The following POM121 variants were observed in gnomAD, a reference collection of about 807,000 sequenced individuals.
The protein encoded by POM121 is nuclear envelope pore membrane protein POM 121.
POM121 carries 32 observed loss-of-function variants against 81.3 expected under a neutral mutation model. The ratio of observed to expected loss-of-function variants is 0.39; its 90% CI spans 0.30 to 0.53. POM121 has a LOEUF of 0.53. Ranked by LOEUF, POM121 falls within the 20% of genes least tolerant of loss-of-function variation. The pLI is 0.66. For synonymous variants in POM121, 514 were observed against 694.2 expected, an observed-to-expected ratio of 0.74 and a Z score of 4.08; for missense variants, 1,138 against 1,614.6, an observed-to-expected ratio of 0.70 and a Z score of 5.06.
At position 72,940,013 on chromosome 7, in the gene POM121, C is replaced by T. The variant is rs879983129; in HGVS notation, c.1563+45C>T. ...CTCCTGCCCTCCCCGGCTTAGCTCT[C>T]CTAAGTATTAGGAACGCTAAGGACA... On this transcript the variant is annotated intron_variant, in intron 8 of 12. Coordinates refer to ENST00000434423, the MANE Select transcript of POM121 (RefSeq NM_001387691.1). The T allele has an allele frequency of 4.4e-6, 7 of 1,597,496 alleles. No homozygotes were observed. In the South Asian group the frequency reaches 6.7e-5, roughly 15 times the overall value.
chr7:72,925,238 G>A lies in POM121; in HGVS notation c.117G>A (p.Leu39=). Residue 39 remains leucine, a synonymous_variant, in exon 1 of 13, where the codon CTG becomes CTA. Coordinates refer to ENST00000434423, the MANE Select transcript of POM121 (RefSeq NM_001387691.1). Reference sequence around the variant, plus strand: ...CGGCCAGGGCGGTGCTCCTGGGCCTGTCGCTGGTTGGCCTCTTACTGTACC... The same window carrying A: ...CGGCCAGGGCGGTGCTCCTGGGCCTATCGCTGGTTGGCCTCTTACTGTACC... ...GGPARAVLLG[L]SLVGLLLYLV... is the part of the protein sequence containing the mutation. 4.6e-6 allele frequency: 7 copies of A among 1,533,854 alleles called. No individual in the cohort carries two copies. The highest frequency in any genetic ancestry group is 6.1e-6 in the Non-Finnish European group (7 of 1,146,162).
At chr7:72,913,267 C>T (rs781986716) in intron 3 of POM121, among the ~76,000 whole-genome samples, 73 of 152,324 alleles carry the variant, frequency 4.8e-4, no homozygotes, top group Non-Finnish European at 8.7e-4. Flanking sequence ...TGTGGACTTG[C>T]GGGGTCTCCC....
chr7:72,928,930 T>C (rs1795746552), intron 4 of POM121, among the ~76,000 whole-genome samples: 1 of 152,218 alleles, frequency 6.6e-6, no homozygotes, highest in Non-Finnish European at 1.5e-5. Context: ...AAAGCTAAAG[T>C]GCTCCTGGTC....
chr7:72,886,656 T>G (rs1486781733), intron 1 of POM121, among the ~76,000 whole-genome samples: 2 of 152,138 alleles, frequency 1.3e-5, no homozygotes, highest in African/African-American at 4.8e-5. Context: ...AATGTCTTCA[T>G]TGTGTCTTTG....
chr7:72,906,192 G>T (rs1554493401), intron 3 of POM121, among the ~76,000 whole-genome samples: 1 of 152,208 alleles, frequency 6.6e-6, no homozygotes, highest in South Asian at 2.1e-4. Context: ...TGAGGCAGAG[G>T]AGGATTTTGT....
At chr7:72,925,790 T>C in intron 1 of POM121, 25 bp downstream of exon 1, 1 of 1,305,342 alleles carries the variant, frequency 7.7e-7, no homozygotes, top group Non-Finnish European at 9.7e-7. Context: ...TTTTGTCAGA[T>C]CATCCTCTGG....
chr7:72,923,407 C>T (rs2129577417), upstream of POM121, among the ~76,000 whole-genome samples: 1 of 152,148 alleles, frequency 6.6e-6, no homozygotes, highest in African/African-American at 2.4e-5. Flanking sequence ...CCCTGTCTAC[C>T]TTCCCCTTTA....
intron 3 of POM121, among the ~76,000 whole-genome samples, chr7:72,899,575 ATTTTTTTTTTTT>A (rs10709124): frequency 1.6e-5 from 2 of 121,460 alleles, no homozygotes; most frequent in South Asian, 5.2e-4. Flanking sequence ...TTGATATTAC[ATTTTTTTTTTTT>A]TTTTTTTTTG....
intron 5 of POM121, among the ~76,000 whole-genome samples, chr7:72,933,309 C>T (rs573337597): frequency 0.011 from 1,738 of 152,226 alleles, 17 homozygotes; most frequent in Non-Finnish European, 0.02. Flanking sequence ...GCCGAGCTCA[C>T]GCCACTGCCC....
chr7:72,923,725 A>G (rs1196003644), upstream of POM121, among the ~76,000 whole-genome samples: 4 of 130,506 alleles, frequency 3.1e-5, no homozygotes, highest in South Asian at 2.5e-4. Context: ...TCAGCCTCCC[A>G]AGTAGCTGGG....
At chr7:72,948,517 C>T (rs782760266), downstream of POM121, 10 of 1,613,228 alleles carry the variant, frequency 6.2e-6, 1 homozygote, top group African/African-American at 1.3e-4. Context: ...GCACCGGCTG[C>T]AGCTTTTTGC....
rs1795286273 is a variant in POM121 at position 72,925,341 on chromosome 7, C to G, written c.220C>G (p.Arg74Gly). Residue 74 changes from arginine to glycine, a missense_variant, in exon 1 of 13, where the codon CGA becomes GGA. By Grantham distance (125) the Arg-to-Gly change is moderately radical. Transcript: ENST00000434423. ...AAWWGLSREP[R>G]GSRPLSSFVR... ...CTGGTGGGGACTGAGCCGCGAGCCC[C>G]GAGGTTCGCGCCCCTTGTCCTCCTT... 1 of 1,534,324 alleles carries G rather than the reference C, an allele frequency of 6.5e-7. No individual in the cohort carries two copies. The highest frequency in any genetic ancestry group is 1.2e-5 in the South Asian group (1 of 83,984).
chr7:72,925,270 C>G lies in POM121; in HGVS notation c.149C>G (p.Pro50Arg). Residue 50 changes from proline (P) to arginine (R), a missense_variant, in exon 1 of 13, where the codon CCG becomes CGG. Pro to Arg is a moderately radical substitution (Grantham distance 103). Transcript: ENST00000434423. Reference sequence around the variant, plus strand: ...GTTGGCCTCTTACTGTACCTCGTGCCGGCTGCGGCTGCACTGGCCTGGCTG... The same window carrying G: ...GTTGGCCTCTTACTGTACCTCGTGCGGGCTGCGGCTGCACTGGCCTGGCTG... ...SLVGLLLYLV[P>R]AAAALAWLTV... The G allele has an allele frequency of 2.0e-6, 3 of 1,534,522 alleles. No homozygotes were observed. Among genetic ancestry groups the G allele is most frequent in the Non-Finnish European group, 2.6e-6 (3 of 1,146,384 alleles).
chr7:72,903,701 G>A (rs1792941280), intron 3 of POM121, among the ~76,000 whole-genome samples: 1 of 152,224 alleles, frequency 6.6e-6, no homozygotes, highest in African/African-American at 2.4e-5. Flanking sequence ...GAAAAACCCA[G>A]CTCTTTCCCT....
chr7:72,929,129 G>C (rs1378165708), intron 4 of POM121, among the ~76,000 whole-genome samples: 1 of 152,188 alleles, frequency 6.6e-6, no homozygotes, highest in African/African-American at 2.4e-5. Flanking sequence ...CAGCCCAAAG[G>C]GGTGGTGGTG....
chr7:72,929,797 G>T (rs1795835253), intron 4 of POM121, 143 bp from the exon 5 acceptor site: 1 of 1,301,110 alleles, frequency 7.7e-7, no homozygotes, highest in African/African-American at 1.5e-5. Context: ...TTGTCAGATA[G>T]ATTTGGCCAG....
intron 3 of POM121, among the ~76,000 whole-genome samples, chr7:72,898,664 G>T (rs1460322193): frequency 2.0e-5 from 3 of 151,924 alleles, no homozygotes; most frequent in African/African-American, 4.8e-5. Context: ...CAGGTGTGGT[G>T]GTGGGCGCCT....
At chr7:72,926,691 A>G in intron 2 of POM121, 111 bp from the exon 3 acceptor site, 2 of 1,510,352 alleles carry the variant, frequency 1.3e-6, no homozygotes, top group Non-Finnish European at 1.8e-6. Flanking sequence ...GTGAGTGTAT[A>G]AATTATACTT....
At chr7:72,915,991 GTTGT>G (rs1191395393) in intron 4 of POM121, among the ~76,000 whole-genome samples, 1 of 152,164 alleles carries the variant, frequency 6.6e-6, no homozygotes, top group Non-Finnish European at 1.5e-5. Context: ...TTTTGATGGG[GTTGT>G]TTGTTTTTTC....
Sources: gnomAD v4.1 joint callset for allele counts (sites outside exome capture counted in the v4.1 genomes callset) on GRCh38, gnomAD v4.1.1 for gene constraint, MANE v1.5 for transcripts, NCBI Gene and HGNC (gene_info 2026-07-23, HGNC 2026-07-21) for gene names.